The following EGFL6 variants were observed in gnomAD, a reference collection of about 807,000 sequenced individuals.
EGFL6 encodes the protein epidermal growth factor-like protein 6.
A neutral mutation model predicts 43.1 loss-of-function variants in EGFL6; 42 were observed. The observed-to-expected ratio is 0.98, with a 90% CI of 0.76 to 1.26. The LOEUF (loss-of-function observed/expected upper bound fraction) is 1.26. EGFL6 is among the 50% of genes most tolerant of loss of function. The pLI is 0.00. For missense variants in EGFL6, 429 were observed against 427.8 expected, an observed-to-expected ratio of 1.00 and a Z score of -0.02; for synonymous variants, 164 against 163.2, an observed-to-expected ratio of 1.01 and a Z score of -0.04.
chrX:13,607,992 A>T (rs2045669468), intron 6 of EGFL6, among the ~76,000 whole-genome samples: 1 of 112,593 alleles, frequency 8.9e-6, no homozygotes, highest in Non-Finnish European at 1.9e-5. Flanking sequence ...TGAATATAGA[A>T]TTGATTTTCT....
intron 1 of EGFL6, among the ~76,000 whole-genome samples, chrX:13,580,589 T>A (rs1048292626): frequency 9.0e-5 from 10 of 111,435 alleles, no homozygotes; most frequent in Non-Finnish European, 1.3e-4. Flanking sequence ...ATGTCTCAAG[T>A]CCATCTCCTT....
At chrX:13,589,920 C>A (rs1233050333) in intron 2 of EGFL6, among the ~76,000 whole-genome samples, 1 of 112,624 alleles carries the variant, frequency 8.9e-6, no homozygotes, top group Non-Finnish European at 1.9e-5. Context: ...ATGAGTATGA[C>A]TGGGTTGTTT....
At chrX:13,616,894 G>A (rs1185512496) in intron 7 of EGFL6, among the ~76,000 whole-genome samples, 4 of 93,518 alleles carry the variant, frequency 4.3e-5, no homozygotes, top group Non-Finnish European at 8.2e-5. Context: ...ACGGAGTCTC[G>A]CTCTGTCGCC....
intron 3 of EGFL6, among the ~76,000 whole-genome samples, chrX:13,597,932 G>A (rs750542930): frequency 8.9e-6 from 1 of 112,336 alleles, no homozygotes; most frequent in East Asian, 2.8e-4. Flanking sequence ...TATTTTCCAC[G>A]CTAGTTTTAA....
chrX:13,612,945 G>A (rs1283886124), intron 7 of EGFL6, among the ~76,000 whole-genome samples: 1 of 109,578 alleles, frequency 9.1e-6, no homozygotes, highest in Non-Finnish European at 1.9e-5. Flanking sequence ...AGGGGTGCAA[G>A]ACCAGCCTGG....
intron 1 of EGFL6, among the ~76,000 whole-genome samples, chrX:13,581,850 AG>A (rs1286720938): frequency 2.7e-5 from 3 of 111,582 alleles, no homozygotes; most frequent in Non-Finnish European, 5.6e-5. Flanking sequence ...CCCACAGCTC[AG>A]GGCTTCCACT....
At chrX:13,602,632 T>C (rs2045639887) in intron 4 of EGFL6, among the ~76,000 whole-genome samples, 1 of 111,817 alleles carries the variant, frequency 8.9e-6, no homozygotes, top group African/African-American at 3.3e-5. Flanking sequence ...GCCTCTTTCA[T>C]GCCTGTCTCT....
chrX:13,597,742 C>T (rs1480048482), intron 3 of EGFL6, among the ~76,000 whole-genome samples: 1 of 110,920 alleles, frequency 9.0e-6, no homozygotes. Context: ...TGAGATCGCG[C>T]CACTGCACTG....
At chrX:13,621,639 G>A (rs1171169914) in intron 9 of EGFL6, among the ~76,000 whole-genome samples, 1 of 112,187 alleles carries the variant, frequency 8.9e-6, no homozygotes, top group Non-Finnish European at 1.9e-5. Flanking sequence ...GCTGTCCCTG[G>A]GAAAATAACT....
At chrX:13,623,377 G>GTTTTATTTTTTTTTTTTTTTTTTTTT (rs2045759363) in intron 9 of EGFL6, among the ~76,000 whole-genome samples, 1 of 40,371 alleles carries the variant, frequency 2.5e-5, no homozygotes, top group Non-Finnish European at 4.2e-5. Flanking sequence ...TTTATTTTGG[G>GTTTTATTTTTTTTTTTTTTTTTTTTT]TTTTTTTTTT....
chrX:13,618,451 G>A (rs1486218956), intron 8 of EGFL6, among the ~76,000 whole-genome samples: 1 of 112,817 alleles, frequency 8.9e-6, no homozygotes, highest in Non-Finnish European at 1.9e-5. Flanking sequence ...ATTTCTTGAA[G>A]GCACTTTTAC....
Position 13,597,982 on chromosome X carries a change from T to C in EGFL6, c.281-1993T>C, listed in dbSNP as rs191928553. The stretch of plus-strand genomic sequence containing the variant: ...ATTAACGTTGAGGGAGTGGTCCAGT[T>C]GGATCAAGTTTTGAGGCAGTCTGTT... On this transcript the variant is annotated intron_variant, in intron 3 of 11. Transcript: ENST00000361306. Among the ~76,000 whole-genome samples the C allele has an allele frequency of 2.4e-3, 268 of 112,135 alleles. 2 individuals are homozygous for C. Among genetic ancestry groups the C allele is most frequent in the African/African-American group, 8.5e-3 (261 of 30,869 alleles).
intron 9 of EGFL6, among the ~76,000 whole-genome samples, chrX:13,620,340 T>A (rs1265884372): frequency 9.0e-6 from 1 of 111,109 alleles, no homozygotes; most frequent in East Asian, 2.8e-4. Context: ...CCACTATACA[T>A]GTGGTAAGTA....
At chrX:13,613,465 G>A (rs1378231021) in intron 7 of EGFL6, among the ~76,000 whole-genome samples, 1 of 110,492 alleles carries the variant, frequency 9.1e-6, no homozygotes, top group African/African-American at 3.3e-5. Context: ...AGTCAACTTA[G>A]GAAAGGAAAC....
intron 7 of EGFL6, among the ~76,000 whole-genome samples, chrX:13,612,290 A>C (rs2146701016): frequency 9.2e-6 from 1 of 108,427 alleles, no homozygotes; most frequent in South Asian, 4.2e-4. Context: ...TTAACAAAGC[A>C]CATCTTGCAC....
intron 5 of EGFL6, among the ~76,000 whole-genome samples, chrX:13,605,109 C>A (rs1189460821): frequency 9.0e-6 from 1 of 111,399 alleles, no homozygotes; most frequent in Non-Finnish European, 1.9e-5. Context: ...ATCCAAATTT[C>A]CACCCAACTC....
At chrX:13,582,530 T>C (rs1367127558) in intron 1 of EGFL6, among the ~76,000 whole-genome samples, 1 of 111,401 alleles carries the variant, frequency 9.0e-6, no homozygotes, top group Non-Finnish European at 1.9e-5. Context: ...ACAAAGTTAA[T>C]AAATTTTTGA....
intron 11 of EGFL6, among the ~76,000 whole-genome samples, chrX:13,632,351 G>T (rs1489731719): frequency 3.0e-5 from 3 of 98,399 alleles, no homozygotes; most frequent in Non-Finnish European, 6.1e-5. Context: ...GCCCAGGCTG[G>T]AGTGCAGTGG....
chrX:13,614,928 A>G (rs1907320730), intron 7 of EGFL6, among the ~76,000 whole-genome samples: 1 of 110,947 alleles, frequency 9.0e-6, no homozygotes, highest in African/African-American at 3.3e-5. Context: ...TTGTATTTTT[A>G]GTAGAGACGG....
Sources: allele counts gnomAD v4.1 joint callset (sites outside exome capture counted in the v4.1 genomes callset), GRCh38; gene constraint gnomAD v4.1.1; transcripts MANE v1.5; gene names NCBI Gene and HGNC (gene_info 2026-07-23, HGNC 2026-07-21).